LRRC4C: variants seen among roughly 807,000 people sequenced by gnomAD.
The protein encoded by LRRC4C is leucine-rich repeat-containing protein 4C.
LRRC4C carries 5 observed loss-of-function variants against 33.6 expected under a neutral mutation model. The observed-to-expected ratio is 0.15, with a 90% CI of 0.08 to 0.31. LRRC4C has a LOEUF of 0.31. Ranked by LOEUF, LRRC4C falls within the 10% of genes least tolerant of loss-of-function variation. LRRC4C has a pLI of 1.00. For synonymous variants in LRRC4C, 329 were observed against 302.0 expected, an observed-to-expected ratio of 1.09 and a Z score of -0.93; for missense variants, 560 against 796.7, an observed-to-expected ratio of 0.70 and a Z score of 3.58.
chr11:40,824,819 A>G (rs1952089097), intron 2 of LRRC4C, among the ~76,000 whole-genome samples: 1 of 152,002 alleles, frequency 6.6e-6, no homozygotes, highest in Admixed American at 6.6e-5. Context: ...TGAGCTGGTC[A>G]TAGTATCCTC....
chr11:41,004,412 C>T (rs1025422796), intron 1 of LRRC4C, among the ~76,000 whole-genome samples: 1 of 152,082 alleles, frequency 6.6e-6, no homozygotes, highest in African/African-American at 2.4e-5. Context: ...TCCCTCTGCC[C>T]TGTCACACCA....
At chr11:41,228,548 T>C (rs1465757611) in intron 1 of LRRC4C, among the ~76,000 whole-genome samples, 1 of 152,128 alleles carries the variant, frequency 6.6e-6, no homozygotes, top group Non-Finnish European at 1.5e-5. Flanking sequence ...ATGTTTTCTG[T>C]TTGTGTGAGT....
chr11:40,462,167 A>G (rs1263495783), intron 3 of LRRC4C, among the ~76,000 whole-genome samples: 1 of 152,068 alleles, frequency 6.6e-6, no homozygotes, highest in Non-Finnish European at 1.5e-5. Context: ...GAATTCCCCA[A>G]TTGTTAAATA....
intron 1 of LRRC4C, among the ~76,000 whole-genome samples, chr11:41,083,644 A>C (rs2135498516): frequency 6.6e-6 from 1 of 152,334 alleles, no homozygotes; most frequent in Non-Finnish European, 1.5e-5. Context: ...AGGCTTTACA[A>C]GAAATGGCTA....
intron 1 of LRRC4C, among the ~76,000 whole-genome samples, chr11:41,395,193 G>A (rs980259969): frequency 1.3e-5 from 2 of 151,972 alleles, no homozygotes; most frequent in African/African-American, 4.8e-5. Flanking sequence ...GGAAAGAGCA[G>A]AGAAAAAATG....
chr11:41,363,629 T>C (rs1177662719), intron 1 of LRRC4C, among the ~76,000 whole-genome samples: 1 of 152,180 alleles, frequency 6.6e-6, no homozygotes, highest in African/African-American at 2.4e-5. Context: ...TCAAAAACAT[T>C]TTCAACTCAC....
intron 2 of LRRC4C, among the ~76,000 whole-genome samples, chr11:40,823,048 T>C (rs1952006971): frequency 1.3e-5 from 2 of 151,780 alleles, no homozygotes; most frequent in Non-Finnish European, 3.0e-5. Flanking sequence ...GTGTGTTCAA[T>C]TGACTTTTCA....
At chr11:41,012,769 T>C (rs1305532940) in intron 1 of LRRC4C, among the ~76,000 whole-genome samples, 2 of 152,186 alleles carry the variant, frequency 1.3e-5, no homozygotes, top group South Asian at 2.1e-4. Flanking sequence ...TCTTTTTTTA[T>C]AGAAGACATT....
chr11:40,737,010 G>GT (rs1947902577), intron 2 of LRRC4C, among the ~76,000 whole-genome samples: 2 of 151,816 alleles, frequency 1.3e-5, no homozygotes, highest in Non-Finnish European at 2.9e-5. Context: ...AATTAGATTC[G>GT]TTTTGTCAAT....
chr11:40,696,002 T>C lies in LRRC4C; in HGVS notation c.-406-47724A>G, dbSNP rs368499872. On this transcript the variant is annotated intron_variant, in intron 2 of 6. Transcript: ENST00000528697. Reference sequence around the variant, plus strand: ...CACAATGCCACCATATATATGTACATGTAGTATATATATATGTGGTGTGTG... The same window carrying C: ...CACAATGCCACCATATATATGTACACGTAGTATATATATATGTGGTGTGTG... Among the ~76,000 whole-genome samples, 33 of 150,174 alleles carry C rather than the reference T, an allele frequency of 2.2e-4. No individual in the cohort carries two copies. The East Asian group carries it at 4.0e-3, about 18-fold the overall frequency.
At chr11:40,170,393 G>A (rs993879647) in intron 5 of LRRC4C, among the ~76,000 whole-genome samples, 4 of 152,140 alleles carry the variant, frequency 2.6e-5, no homozygotes, top group Admixed American at 1.3e-4. Flanking sequence ...CATCTGCAGT[G>A]CCTATTTTAA....
intron 1 of LRRC4C, among the ~76,000 whole-genome samples, chr11:41,199,417 AAT>A (rs1565473395): frequency 6.6e-6 from 1 of 152,098 alleles, no homozygotes; most frequent in African/African-American, 2.4e-5. Flanking sequence ...AGTTTTCTGT[AAT>A]ATGATTCCTC....
chr11:40,386,872 T>C (rs374648825), intron 3 of LRRC4C, among the ~76,000 whole-genome samples: 2 of 152,310 alleles, frequency 1.3e-5, no homozygotes, highest in South Asian at 4.1e-4. Flanking sequence ...TAATGTGGGC[T>C]GTTTCCTTGG....
chr11:40,670,334 C>T (rs998366169), intron 2 of LRRC4C, among the ~76,000 whole-genome samples: 1 of 152,136 alleles, frequency 6.6e-6, no homozygotes, highest in Non-Finnish European at 1.5e-5. Context: ...TGTGAAGTGA[C>T]CCAATACAGT....
intron 1 of LRRC4C, among the ~76,000 whole-genome samples, chr11:40,972,263 A>G (rs2137002291): frequency 6.6e-6 from 1 of 151,538 alleles, no homozygotes; most frequent in South Asian, 2.1e-4. Flanking sequence ...CAGTCCCTTC[A>G]GTAGCTGGGA....
chr11:40,329,180 T>C (rs1946232870), intron 3 of LRRC4C, among the ~76,000 whole-genome samples: 1 of 152,172 alleles, frequency 6.6e-6, no homozygotes, highest in Non-Finnish European at 1.5e-5. Flanking sequence ...CACAAGGATG[T>C]GAAAATAACA....
intron 6 of LRRC4C, among the ~76,000 whole-genome samples, chr11:40,137,516 C>A (rs1857064107): frequency 6.6e-6 from 1 of 152,088 alleles, no homozygotes; most frequent in African/African-American, 2.4e-5. Context: ...AGAGACTACC[C>A]ACTACCCTCT....
intron 1 of LRRC4C, among the ~76,000 whole-genome samples, chr11:41,399,215 C>A (rs1045292571): frequency 6.6e-6 from 1 of 151,896 alleles, no homozygotes; most frequent in East Asian, 1.9e-4. Flanking sequence ...TTTAATGACA[C>A]TTGAAAAAGT....
chr11:40,644,737 A>T (rs139154329), intron 3 of LRRC4C, among the ~76,000 whole-genome samples: 1 of 152,290 alleles, frequency 6.6e-6, no homozygotes, highest in East Asian at 1.9e-4. Flanking sequence ...AACAGATTAG[A>T]AGTTGTCAGT....
Sources: allele counts gnomAD v4.1 joint callset (sites outside exome capture counted in the v4.1 genomes callset), GRCh38; gene constraint gnomAD v4.1.1; transcripts MANE v1.5; gene names NCBI Gene and HGNC (gene_info 2026-07-23, HGNC 2026-07-21).